Variants in SEPTIN14 observed in about 807,000 individuals in gnomAD.
The protein encoded by SEPTIN14 is septin 14, also known as septin-14.
SEPTIN14 carries 40 observed loss-of-function variants against 53.6 expected under a neutral mutation model. That is an observed-to-expected ratio of 0.75 (90% CI 0.58 to 0.97). The LOEUF (loss-of-function observed/expected upper bound fraction) is 0.97, where lower values mean the gene tolerates loss of function less well. SEPTIN14 is among the 50% of genes least tolerant of loss of function. The pLI, the probability that SEPTIN14 is intolerant of heterozygous loss-of-function variation, is 0.00. For synonymous variants in SEPTIN14, 138 were observed against 166.8 expected, an observed-to-expected ratio of 0.83 and a Z score of 1.33; for missense variants, 471 against 508.2, an observed-to-expected ratio of 0.93 and a Z score of 0.70.
At chr7:55,817,144 T>C (rs1169784584) in intron 7 of SEPTIN14, among the ~76,000 whole-genome samples, 1 of 152,080 alleles carries the variant, frequency 6.6e-6, no homozygotes, top group African/African-American at 2.4e-5. Context: ...AGAAAAAAAG[T>C]GTGGCATATA....
intron 5 of SEPTIN14, among the ~76,000 whole-genome samples, chr7:55,842,496 G>T (rs928290728): frequency 2.6e-5 from 4 of 151,792 alleles, no homozygotes; most frequent in African/African-American, 9.7e-5. Flanking sequence ...CCAGTTGCTC[G>T]GATGGCTAAG....
At chr7:55,842,728 T>C (rs1054735662) in intron 5 of SEPTIN14, among the ~76,000 whole-genome samples, 5 of 151,726 alleles carry the variant, frequency 3.3e-5, no homozygotes, top group Non-Finnish European at 2.9e-5. Context: ...CTGGCTAACA[T>C]GGTGAAACCC....
intron 2 of SEPTIN14, among the ~76,000 whole-genome samples, chr7:55,860,842 G>T (rs970007097): frequency 2.6e-5 from 4 of 152,092 alleles, no homozygotes; most frequent in Admixed American, 2.6e-4. Flanking sequence ...CAGAGAGTAA[G>T]CCCCCACCTG....
At chr7:55,816,975 A>G (rs1429605573) in intron 7 of SEPTIN14, among the ~76,000 whole-genome samples, 2 of 152,204 alleles carry the variant, frequency 1.3e-5, no homozygotes, top group Non-Finnish European at 2.9e-5. Flanking sequence ...TCTTCAAAAA[A>G]TTAAAAATAA....
chr7:55,802,401 C>A (rs979129690), intron 9 of SEPTIN14, among the ~76,000 whole-genome samples: 9 of 152,140 alleles, frequency 5.9e-5, no homozygotes, highest in Non-Finnish European at 1.3e-4. Context: ...TATAGGCCAA[C>A]ATTTGTGATG....
At position 55,843,106 on chromosome 7, in the gene SEPTIN14, T is replaced by C; in HGVS notation, c.394A>G (p.Ile132Val). ...EASYQPIVDY[I>V]DAQFEAYLQE... ...AGATAGGCCTCAAATTGGGCATCTA[T>C]GTAGTCAACTATTGGTTGGTAGCTA... The change falls in exon 5 of 10, where the codon ATA becomes GTA. Residue 132 changes from isoleucine (I) to valine (V), a missense_variant. Physicochemically the swap from Ile to Val is conservative, Grantham distance 29. Coordinates refer to ENST00000388975, the MANE Select transcript of SEPTIN14 (RefSeq NM_207366.3). 2 of 1,591,784 alleles carry C rather than the reference T, an allele frequency of 1.3e-6. No individual in the cohort carries two copies. Among genetic ancestry groups the C allele is most frequent in the African/African-American group, 1.4e-5 (1 of 73,716 alleles).
At chr7:55,808,333 C>T (rs1440036697) in intron 7 of SEPTIN14, among the ~76,000 whole-genome samples, 1 of 152,168 alleles carries the variant, frequency 6.6e-6, no homozygotes, top group African/African-American at 2.4e-5. Flanking sequence ...AGATCAATTT[C>T]ATTCCACTAG....
At chr7:55,804,781 G>A (rs910390752) in intron 9 of SEPTIN14, among the ~76,000 whole-genome samples, 2 of 152,086 alleles carry the variant, frequency 1.3e-5, no homozygotes, top group Non-Finnish European at 2.9e-5. Flanking sequence ...TAATTAAAAC[G>A]ATATTAATAG....
At position 55,846,071 on chromosome 7, in the gene SEPTIN14, ATATATATATATATATATATATG is replaced by A. The variant is rs1224221630; in HGVS notation, c.175+424_175+445del. On this transcript the variant is annotated intron_variant, in intron 3 of 9. Coordinates refer to ENST00000388975, the MANE Select transcript of SEPTIN14 (RefSeq NM_207366.3). ...CTCAGAAAAAAAAAAAAAAGTATAT[ATATATATATATATATATATATG>A]TATACATGCTAGCCCTGATTCTCTC... 3.1e-3 allele frequency among the ~76,000 whole-genome samples: 341 copies of A among 108,874 alleles called. 8 individuals are homozygous for A. The highest frequency in any genetic ancestry group is 0.015 in the Middle Eastern group (3 of 204). The allele number at this position is 108,874 out of a possible 152,430, so 71.4% of individuals were successfully genotyped here.
chr7:55,807,031 T>C, intron 8 of SEPTIN14, 59 bp downstream of exon 8: 1 of 1,217,628 alleles, frequency 8.2e-7, no homozygotes, highest in South Asian at 1.6e-5. Flanking sequence ...TATCATACCT[T>C]GTGTTTGTAG....
intron 9 of SEPTIN14, among the ~76,000 whole-genome samples, chr7:55,799,670 GAA>G (rs1419155011): frequency 1.3e-5 from 2 of 151,886 alleles, no homozygotes; most frequent in African/African-American, 4.8e-5. Context: ...TAATAATAAA[GAA>G]ATCAATTTAT....
At chr7:55,842,829 C>T (rs1384530127) in intron 5 of SEPTIN14, 113 bp downstream of exon 5, 4 of 546,192 alleles carry the variant, frequency 7.3e-6, no homozygotes, top group Non-Finnish European at 1.2e-5. Context: ...TGGAGAATGG[C>T]GTGAACCTGG....
chr7:55,833,269 T>A (rs977313863), intron 6 of SEPTIN14, among the ~76,000 whole-genome samples: 2 of 149,432 alleles, frequency 1.3e-5, no homozygotes, highest in Non-Finnish European at 3.0e-5. Context: ...GAGCTGAGAT[T>A]GCGCCACTGC....
chr7:55,796,161 T>A, intron 9 of SEPTIN14, 69 bp from the exon 10 acceptor site: 1 of 1,018,872 alleles, frequency 9.8e-7, no homozygotes, highest in Non-Finnish European at 1.5e-6. Flanking sequence ...AATATGCTTT[T>A]TTCTAAATAT....
At chr7:55,844,823 A>G in intron 3 of SEPTIN14, 105 bp from the exon 4 acceptor site, 1 of 513,214 alleles carries the variant, frequency 1.9e-6, no homozygotes, top group Non-Finnish European at 3.3e-6. Flanking sequence ...AGTTGAACTC[A>G]TAGAAGTAGA....
intron 6 of SEPTIN14, among the ~76,000 whole-genome samples, chr7:55,828,312 T>TC (rs1164116852): frequency 6.6e-6 from 1 of 150,570 alleles, no homozygotes; most frequent in African/African-American, 2.4e-5. Flanking sequence ...TTTTTTTTTT[T>TC]TTTTCTTTTT....
intron 2 of SEPTIN14, among the ~76,000 whole-genome samples, chr7:55,849,481 C>A (rs921932631): frequency 2.0e-5 from 3 of 151,926 alleles, no homozygotes; most frequent in Non-Finnish European, 4.4e-5. Flanking sequence ...CATGGTGGCT[C>A]ATGCCTGTAA....
chr7:55,820,425 C>A lies in SEPTIN14; in HGVS notation c.721-1202G>T, dbSNP rs186551412. On this transcript the variant is annotated intron_variant, in intron 6 of 9. Coordinates refer to ENST00000388975, the MANE Select transcript of SEPTIN14 (RefSeq NM_207366.3). ...AGAGAAATGGAAGACATGGAATTAA[C>A]AGTTATCAGTTACAGTTACCTGTTA... 1.2e-3 allele frequency among the ~76,000 whole-genome samples: 181 copies of A among 152,310 alleles called. 1 individual carries two copies. The highest frequency in any genetic ancestry group is 4.2e-3 in the African/African-American group (176 of 41,572).
intron 7 of SEPTIN14, among the ~76,000 whole-genome samples, chr7:55,808,820 G>A (rs1788649171): frequency 6.6e-6 from 1 of 152,132 alleles, no homozygotes; most frequent in South Asian, 2.1e-4. Context: ...CCAAAGTGCT[G>A]GGATTACAGG....
Sources: allele counts gnomAD v4.1 joint callset (sites outside exome capture counted in the v4.1 genomes callset), GRCh38; gene constraint gnomAD v4.1.1; transcripts MANE v1.5; gene names NCBI Gene and HGNC (gene_info 2026-07-23, HGNC 2026-07-21).